The following TMEM201 variants were observed in gnomAD, a reference collection of about 807,000 sequenced individuals.
The protein encoded by TMEM201 is transmembrane protein 201.
Under a neutral mutation model 63.4 loss-of-function variants are expected in TMEM201, and 26 were observed. The observed-to-expected ratio is 0.41, with a 90% CI of 0.30 to 0.57. The LOEUF (loss-of-function observed/expected upper bound fraction) is 0.57, where lower values mean the gene tolerates loss of function less well. Ranked by LOEUF, TMEM201 falls within the 20% of genes least tolerant of loss-of-function variation. TMEM201 has a pLI of 0.29. For missense variants in TMEM201, 794 were observed against 917.7 expected (o/e 0.87, Z 1.74); for synonymous variants, 417 against 421.6 (o/e 0.99, Z 0.14).
Position 9,614,053 on chromosome 1 carries a change from C to A in TMEM201, c.*970C>A, listed in dbSNP as rs755781881. ...GCTCCTTCCTGGCACTGAGGAGGGG[C>A]GCTCCCAATGCTGTGAGGCAGCGGG... On this transcript the variant is annotated 3_prime_UTR_variant, in exon 11 of 11. Transcript: ENST00000340381. The A allele has an allele frequency of 2.0e-5, 3 of 152,384 alleles. No individual in the cohort carries two copies. In the South Asian group the frequency reaches 6.2e-4, roughly 32 times the overall value. The allele number at this position is 152,384 out of a possible 1,614,324, so 9.4% of individuals were successfully genotyped here. A position where few individuals can be genotyped will look rare whatever the true frequency, so the allele number is the denominator to read the frequency against.
rs1644366987 is a variant in TMEM201, at chr1:9,614,689, G to C, written c.*1606G>C. On this transcript the variant is annotated 3_prime_UTR_variant, in exon 11 of 11. Coordinates refer to ENST00000340381, the MANE Select transcript of TMEM201 (RefSeq NM_001130924.3). ...ATGCACTCCATCTCTGGCTCTGAGG[G>C]CGCTCCCTCCTCTCAGCCGGGCAGC... 6.6e-6 allele frequency: 1 copy of C among 152,200 alleles called. No individual in the cohort carries two copies. The highest frequency in any genetic ancestry group is 6.6e-5 in the Admixed American group (1 of 15,262). 9.4% of individuals were successfully genotyped at this position (152,200 alleles called of 1,614,324 possible).
intron 1 of TMEM201, among the ~76,000 whole-genome samples, chr1:9,590,460 C>A (rs1643901450): frequency 6.6e-6 from 1 of 152,114 alleles, no homozygotes; most frequent in East Asian, 1.9e-4. Context: ...CACAGCACCT[C>A]CGTTGTGTTT....
At chr1:9,589,948 C>G (rs1643892402) in intron 1 of TMEM201, among the ~76,000 whole-genome samples, 2 of 152,232 alleles carry the variant, frequency 1.3e-5, no homozygotes, top group Non-Finnish European at 1.5e-5. Flanking sequence ...AGTGGCAGAG[C>G]TGGGGTTTGA....
chr1:9,601,917 CGTGTGAGTGT>C, intron 5 of TMEM201, 142 bp from the exon 6 acceptor site: 1 of 872,060 alleles, frequency 1.1e-6, no homozygotes, highest in Non-Finnish European at 1.7e-6. Context: ...AGCCAGGTAG[CGTGTGAGTGT>C]GAGGGGATTC....
intron 2 of TMEM201, 98 bp downstream of exon 2, chr1:9,596,108 C>CAGG: frequency 1.4e-6 from 2 of 1,471,248 alleles, no homozygotes; most frequent in Non-Finnish European, 1.8e-6. Flanking sequence ...TGCCCCGGGG[C>CAGG]TCATGGACCC....
At chr1:9,595,757 A>G in intron 1 of TMEM201, 133 bp from the exon 2 acceptor site, 1 of 1,338,188 alleles carries the variant, frequency 7.5e-7, no homozygotes, top group Non-Finnish European at 1.0e-6. Flanking sequence ...CAGCATCTCC[A>G]GCTTTGCATC....
chr1:9,597,038 C>T lies in TMEM201; in HGVS notation c.414C>T (p.Phe138=), dbSNP rs148244736. The change falls in exon 3 of 11, where the codon TTC becomes TTT. Residue 138 remains phenylalanine (F), a synonymous_variant. Transcript: ENST00000340381. ...QTTKIKQLAA[F]APREEGRYDE... ...CCAAGATCAAGCAGCTGGCCGCCTT[C>T]GCTCCCCGCGAGGAGGTGAGGCCGG... 26 of 1,605,490 alleles carry T rather than the reference C, an allele frequency of 1.6e-5. No individual in the cohort carries two copies. Among genetic ancestry groups the T allele is most frequent in the Middle Eastern group, 1.7e-4 (1 of 6,052 alleles).
At position 9,601,245 on chromosome 1, in the gene TMEM201, C is replaced by T; in HGVS notation, c.747C>T (p.Ala249=). The part of the protein sequence containing the change: ...HFAPGTTVPL[A]LPPGGNGSAT... ...CCCCAGGCACCACTGTGCCCCTGGC[C>T]CTGCCACCTGGTGGCAATGGCTCAG... The change falls in exon 5 of 11, where the codon GCC becomes GCT. Residue 249 remains alanine, a synonymous_variant. Transcript: ENST00000340381. The T allele has an allele frequency of 1.2e-6, 2 of 1,611,380 alleles. No individual in the cohort carries two copies. The highest frequency in any genetic ancestry group is 2.2e-5 in the South Asian group (2 of 91,074).
rs1275475110 is a variant in TMEM201 at position 9,590,110 on chromosome 1, GTC to G, written c.113+1069_113+1070del. Among the ~76,000 whole-genome samples, 4 of 152,354 alleles carry G rather than the reference GTC, an allele frequency of 2.6e-5. No homozygotes were observed. The East Asian group carries it at 7.7e-4, about 29-fold the overall frequency. On this transcript the variant is annotated intron_variant, in intron 1 of 10. Coordinates refer to ENST00000340381, the MANE Select transcript of TMEM201 (RefSeq NM_001130924.3). The stretch of plus-strand genomic sequence containing the variant: ...AAGGCATGGGAGGGACATCAGCTGT[GTC>G]TGGAGGATGGGCCAGATGTGACTGA...
chr1:9,590,154 T>C (rs1215717122), intron 1 of TMEM201, among the ~76,000 whole-genome samples: 2 of 152,086 alleles, frequency 1.3e-5, no homozygotes, highest in East Asian at 3.9e-4. Context: ...TAGCTGGGGA[T>C]TGAGTGACCC....
rs773087330 is a variant in TMEM201 at position 9,608,993 on chromosome 1, C to T, written c.1394-847C>T. Among the ~76,000 whole-genome samples the T allele has an allele frequency of 3.3e-5, 5 of 152,126 alleles. No individual in the cohort carries two copies. The highest frequency in any genetic ancestry group is 5.9e-5 in the Non-Finnish European group (4 of 68,012). ...GGGCTTTGGCTCATGTATTCAGAGA[C>T]GCGCTGGACCGGGCTCAGGTGCTGT... On this transcript the variant is annotated intron_variant, in intron 7 of 10. Transcript: ENST00000340381. This position sits in a 1 kb window ranked among gnomAD's most constrained non-coding sequence, Gnocchi z 4.3.
In TMEM201 at chr1:9,610,717, G is replaced by A; in HGVS notation, c.1677G>A (p.Glu559=). The change falls in exon 9 of 11, where the codon GAG becomes GAA. Residue 559 remains glutamate, a synonymous_variant. Coordinates refer to ENST00000340381, the MANE Select transcript of TMEM201 (RefSeq NM_001130924.3). The surrounding 1 kb of genome is among the most constrained non-coding windows in gnomAD (Gnocchi z 4.9). ...EAPTTPSSSD[E]HSPHNGSLFT... ...CCACCACGCCCAGCAGCTCCGATGA[G>A]CACTCGCCTCACAACGGCAGCCTCT... 1 of 1,550,522 alleles carries A rather than the reference G, an allele frequency of 6.4e-7. No individual in the cohort carries two copies. The highest frequency in any genetic ancestry group is 2.0e-5 in the Admixed American group (1 of 51,002).
At chr1:9,600,646 C>T (rs1433137387) in intron 4 of TMEM201, among the ~76,000 whole-genome samples, 12 of 152,070 alleles carry the variant, frequency 7.9e-5, no homozygotes, top group Admixed American at 2.0e-4. Context: ...TGGCTGGGCG[C>T]GGTGGCTCAC....
chr1:9,604,623 C>A lies in TMEM201; in HGVS notation c.1160+2351C>A. 1 of 985,534 alleles carries A rather than the reference C, an allele frequency of 1.0e-6. No individual in the cohort carries two copies. Among genetic ancestry groups the A allele is most frequent in the Non-Finnish European group, 1.2e-6 (1 of 829,920 alleles). 61.0% of individuals were successfully genotyped at this position (985,534 alleles called of 1,614,324 possible). ...TGGGGTCATCCTAGGTATGGGTGACCGTCCCTGAGACATAAGCGAGGTAGA... is the reference window on the plus strand; with the variant it reads ...TGGGGTCATCCTAGGTATGGGTGACAGTCCCTGAGACATAAGCGAGGTAGA... On this transcript the variant is annotated intron_variant, in intron 6 of 10. Transcript: ENST00000340381. The surrounding 1 kb of genome is among the most constrained non-coding windows in gnomAD (Gnocchi z 4.1).
At position 9,610,918 on chromosome 1, in the gene TMEM201, C is replaced by G. The variant is rs1644315941; in HGVS notation, c.1765+113C>G. ...TGCTCTGACTCCGGTGTGCGCCTTC[C>G]CACCCTGGAGCTCTAGGCACCCCAT... On this transcript the variant is annotated intron_variant, in intron 9 of 10. Transcript: ENST00000340381. This position sits in a 1 kb window ranked among gnomAD's most constrained non-coding sequence, Gnocchi z 4.9. 3 of 1,489,068 alleles carry G rather than the reference C, an allele frequency of 2.0e-6. No homozygotes were observed. Among genetic ancestry groups the G allele is most frequent in the Non-Finnish European group, 2.7e-6 (3 of 1,112,394 alleles). 92.2% of individuals were successfully genotyped at this position (1,489,068 alleles called of 1,614,324 possible).
rs1435221372 is a variant in TMEM201, at chr1:9,612,285, G to A, written c.1903+395G>A. ...CTGCCATCCTGGCCGGAAGTGCCCAGAGAGCCTGGGTGCACCGGGACCACG... is the reference window on the plus strand; with the variant it reads ...CTGCCATCCTGGCCGGAAGTGCCCAAAGAGCCTGGGTGCACCGGGACCACG... On this transcript the variant is annotated intron_variant, in intron 10 of 10. Transcript: ENST00000340381. Among the ~76,000 whole-genome samples the A allele has an allele frequency of 2.6e-5, 4 of 152,366 alleles. No homozygotes were observed. In the East Asian group the frequency reaches 7.7e-4, roughly 29 times the overall value.
chr1:9,609,379 G>T (rs1336910379), intron 7 of TMEM201, among the ~76,000 whole-genome samples: 1 of 152,230 alleles, frequency 6.6e-6, no homozygotes, highest in Non-Finnish European at 1.5e-5. Flanking sequence ...AAGGCAGCGT[G>T]GTTGGTGATC....
rs1204984760 is a variant in TMEM201, at chr1:9,614,235, G to A, written c.*1152G>A. On this transcript the variant is annotated 3_prime_UTR_variant, in exon 11 of 11. Transcript: ENST00000340381. ...GGATTCTGAGACTCACTGTGGGGCG[G>A]GAAGAAGGGTCTTCACTCTGCCATT... 1 of 152,128 alleles carries A rather than the reference G, an allele frequency of 6.6e-6. No homozygotes were observed. The highest frequency in any genetic ancestry group is 2.4e-5 in the African/African-American group (1 of 41,410). The allele number at this position is 152,128 out of a possible 1,614,324, so 9.4% of individuals were successfully genotyped here.
In TMEM201 at chr1:9,609,963, G is replaced by A. The variant is rs546800548; in HGVS notation, c.1465+52G>A. 7.9e-6 allele frequency: 12 copies of A among 1,516,152 alleles called. No individual in the cohort carries two copies. The Admixed American group carries it at 9.8e-5, about 12-fold the overall frequency. 93.9% of individuals were successfully genotyped at this position (1,516,152 alleles called of 1,614,324 possible). A position where few individuals can be genotyped will look rare whatever the true frequency, so the allele number is the denominator to read the frequency against. ...GGACGGGGCAACATGAAGCCCGGGC[G>A]TTCCAGAGCATGGTGGTTTGTGTGA... On this transcript the variant is annotated intron_variant, in intron 8 of 10. Transcript: ENST00000340381.
Sources: gnomAD v4.1 joint callset for allele counts (sites outside exome capture counted in the v4.1 genomes callset) on GRCh38, gnomAD v4.1.1 for gene constraint, Gnocchi (gnomAD v3.1) non-coding constraint, MANE v1.5 for transcripts, NCBI Gene and HGNC (gene_info 2026-07-23, HGNC 2026-07-21) for gene names.